The following FLVCR2 variants were observed in gnomAD, a reference collection of about 807,000 sequenced individuals.
FLVCR2 encodes FLVCR choline and putative heme transporter 2.
In FLVCR2, 38 loss-of-function variants were observed where a neutral mutation model predicts 48.9. The ratio of observed to expected loss-of-function variants is 0.78; its 90% CI spans 0.60 to 1.02. The LOEUF is 1.02. FLVCR2 is among the 50% of genes least tolerant of loss of function. The pLI is 0.00. For missense variants in FLVCR2, 664 were observed against 663.3 expected (o/e 1.00, Z -0.01); for synonymous variants, 255 against 257.0 (o/e 0.99, Z 0.07).
At chr14:75,635,067 CA>C in intron 5 of FLVCR2, 54 bp downstream of exon 5, 1 of 1,178,310 alleles carries the variant, frequency 8.5e-7, no homozygotes, top group East Asian at 2.3e-5. Flanking sequence ...TTTGAAATGA[CA>C]TATTCATAAG....
intron 9 of FLVCR2, 52 bp downstream of exon 9, chr14:75,641,950 TGAG>T (rs774520547): frequency 2.5e-5 from 38 of 1,532,636 alleles, no homozygotes; most frequent in Non-Finnish European, 3.3e-5. Flanking sequence ...AGGCTTTTGA[TGAG>T]GATGTGGCAA....
rs1377354560 is a variant in FLVCR2, at chr14:75,579,542, C to G, written c.570C>G (p.Ala190=). Residue 190 remains alanine, a synonymous_variant, in exon 1 of 10, where the codon GCC becomes GCG. Transcript: ENST00000238667. ...TGGGCCAGCTCATCTGCTCTGTGGC[C>G]CAGGTTTTCATCCTGGGCATGCCCT... ...TVVGQLICSV[A]QVFILGMPSR... 6.2e-7 allele frequency: 1 copy of G among 1,613,868 alleles called. No homozygotes were observed. Among genetic ancestry groups the G allele is most frequent in the South Asian group, 1.1e-5 (1 of 91,070 alleles).
At chr14:75,631,053 GAC>G (rs1409492564) in intron 3 of FLVCR2, among the ~76,000 whole-genome samples, 1 of 152,164 alleles carries the variant, frequency 6.6e-6, no homozygotes, top group Non-Finnish European at 1.5e-5. Flanking sequence ...GGCAAACTTT[GAC>G]AATATGGTGA....
At chr14:75,611,507 A>G (rs1050404078) in intron 1 of FLVCR2, among the ~76,000 whole-genome samples, 13 of 152,118 alleles carry the variant, frequency 8.5e-5, no homozygotes, top group African/African-American at 2.9e-4. Context: ...AGGCCGAGGC[A>G]GGTGAATTGC....
intron 3 of FLVCR2, among the ~76,000 whole-genome samples, chr14:75,631,060 T>C (rs967079397): frequency 2.0e-5 from 3 of 152,214 alleles, no homozygotes; most frequent in Non-Finnish European, 2.9e-5. Flanking sequence ...TTTGACAATA[T>C]GGTGAGGGAC....
intron 1 of FLVCR2, among the ~76,000 whole-genome samples, chr14:75,614,540 A>G (rs561772674): frequency 6.6e-6 from 1 of 152,334 alleles, no homozygotes; most frequent in African/African-American, 2.4e-5. Context: ...AACTTGGGAT[A>G]AAGGTATAGA....
intron 8 of FLVCR2, 117 bp downstream of exon 8, chr14:75,641,410 G>C (rs1890306132): frequency 1.3e-6 from 1 of 742,102 alleles, no homozygotes; most frequent in Non-Finnish European, 2.4e-6. Context: ...AGGGTTTGTT[G>C]GGGAATCTGT....
At chr14:75,606,967 C>T (rs1381650832) in intron 1 of FLVCR2, among the ~76,000 whole-genome samples, 1 of 151,992 alleles carries the variant, frequency 6.6e-6, no homozygotes, top group Non-Finnish European at 1.5e-5. Context: ...AAGCAAATTC[C>T]TGGGCACCAG....
intron 1 of FLVCR2, among the ~76,000 whole-genome samples, chr14:75,601,266 G>A (rs1209946508): frequency 5.3e-5 from 8 of 152,246 alleles, no homozygotes; most frequent in South Asian, 4.1e-4. Flanking sequence ...GCGGTTTTCC[G>A]CCTTGGGCGG....
At chr14:75,596,655 G>A (rs753757049) in intron 1 of FLVCR2, among the ~76,000 whole-genome samples, 2 of 151,894 alleles carry the variant, frequency 1.3e-5, no homozygotes, top group African/African-American at 2.4e-5. Flanking sequence ...CATTCATTAA[G>A]TGTACAGTTC....
At chr14:75,592,386 G>T (rs73305479) in intron 1 of FLVCR2, among the ~76,000 whole-genome samples, 1 of 151,864 alleles carries the variant, frequency 6.6e-6, no homozygotes, top group Non-Finnish European at 1.5e-5. Flanking sequence ...GTCCTCCTAG[G>T]CCTCTGGGTC....
intron 5 of FLVCR2, among the ~76,000 whole-genome samples, chr14:75,635,275 C>CT (rs1227903099): frequency 6.6e-6 from 1 of 152,098 alleles, no homozygotes; most frequent in Non-Finnish European, 1.5e-5. Flanking sequence ...TCCCCACTCT[C>CT]TAAGTAGCTT....
At chr14:75,636,133 C>T (rs952682267) in intron 5 of FLVCR2, among the ~76,000 whole-genome samples, 3 of 152,230 alleles carry the variant, frequency 2.0e-5, no homozygotes, top group East Asian at 1.9e-4. Context: ...TGTACTGTAC[C>T]GGGGCAGAGC....
In FLVCR2 at chr14:75,646,468, T is replaced by G. The variant is rs776908164; in HGVS notation, c.1577T>G (p.Leu526Arg). 1 of 1,611,874 alleles carries G rather than the reference T, an allele frequency of 6.2e-7. No homozygotes were observed. The highest frequency in any genetic ancestry group is 8.5e-7 in the Non-Finnish European group (1 of 1,177,940). Reference protein sequence around the residue: ...KVPTAVSEDHL With the variant: ...KVPTAVSEDHR ...CCCACTGCTGTGTCAGAGGATCATC[T>G]CTGAGAGGAAGGTGGTGACAACTCA... The change falls in exon 10 of 10, where the codon CTC (leucine) becomes CGC (arginine). Residue 526 changes from leucine to arginine, a missense_variant. By Grantham distance (102) the Leu-to-Arg change is moderately radical. Coordinates refer to ENST00000238667, the MANE Select transcript of FLVCR2 (RefSeq NM_017791.3).
At chr14:75,626,579 C>T (rs570218605) in intron 3 of FLVCR2, among the ~76,000 whole-genome samples, 1 of 151,954 alleles carries the variant, frequency 6.6e-6, no homozygotes, top group South Asian at 2.1e-4. Context: ...GTATGTCTCC[C>T]CATTCATCCG....
At chr14:75,626,710 G>A (rs1456114957) in intron 3 of FLVCR2, among the ~76,000 whole-genome samples, 3 of 151,914 alleles carry the variant, frequency 2.0e-5, no homozygotes, top group Non-Finnish European at 4.4e-5. Flanking sequence ...ATGTTGTAGG[G>A]GATCTCAGGC....
chr14:75,602,012 T>A (rs567835569), intron 1 of FLVCR2, among the ~76,000 whole-genome samples: 2 of 152,334 alleles, frequency 1.3e-5, no homozygotes, highest in Non-Finnish European at 2.9e-5. Context: ...TAGTTTATTA[T>A]ACACTTTACT....
chr14:75,593,795 C>T (rs543117591), intron 1 of FLVCR2, among the ~76,000 whole-genome samples: 1 of 152,312 alleles, frequency 6.6e-6, no homozygotes, highest in African/African-American at 2.4e-5. Flanking sequence ...GGCCTGGTTG[C>T]CTTCTGTCTA....
chr14:75,584,478 C>G (rs189014733), intron 1 of FLVCR2, among the ~76,000 whole-genome samples: 3 of 152,336 alleles, frequency 2.0e-5, no homozygotes, highest in African/African-American at 7.2e-5. Context: ...TGCTGCCAAG[C>G]GGGCCATGAA....
Sources: allele counts gnomAD v4.1 joint callset (sites outside exome capture counted in the v4.1 genomes callset), GRCh38; gene constraint gnomAD v4.1.1; transcripts MANE v1.5; gene names NCBI Gene and HGNC (gene_info 2026-07-23, HGNC 2026-07-21).